The following CHRM2 variants were observed in gnomAD, a reference collection of about 807,000 sequenced individuals.
CHRM2 encodes the protein cholinergic receptor muscarinic 2.
In CHRM2, 8 loss-of-function variants were observed where a neutral mutation model predicts 25.0. The ratio of observed to expected loss-of-function variants is 0.32; its 90% confidence interval spans 0.19 to 0.58. The LOEUF (loss-of-function observed/expected upper bound fraction) is 0.58. CHRM2 is among the 20% of genes least tolerant of loss of function. The pLI, the probability that CHRM2 is intolerant of heterozygous loss-of-function variation, is 0.88. For missense variants in CHRM2, 440 were observed against 567.1 expected (o/e 0.78, Z 2.28); for synonymous variants, 202 against 205.7 (o/e 0.98, Z 0.15).
intron 2 of CHRM2, among the ~76,000 whole-genome samples, chr7:136,880,086 C>T (rs956848715): frequency 6.6e-6 from 1 of 150,728 alleles, no homozygotes; most frequent in Non-Finnish European, 1.5e-5. Flanking sequence ...GCTGCAATTG[C>T]TCTTGCCTCT....
At chr7:136,990,686 C>T (rs1803165151) in intron 2 of CHRM2, among the ~76,000 whole-genome samples, 1 of 152,094 alleles carries the variant, frequency 6.6e-6, no homozygotes, top group Admixed American at 6.6e-5. Flanking sequence ...TGTCTATGTG[C>T]AGGTTTTTGT....
intron 2 of CHRM2, among the ~76,000 whole-genome samples, chr7:136,980,502 G>A (rs1164235458): frequency 2.0e-5 from 3 of 152,184 alleles, no homozygotes; most frequent in Admixed American, 1.3e-4. Context: ...TGGTGAGAGA[G>A]GGCATCCTTG....
chr7:136,968,351 T>C (rs1200900929), intron 2 of CHRM2, among the ~76,000 whole-genome samples: 2 of 151,964 alleles, frequency 1.3e-5, no homozygotes, highest in African/African-American at 4.8e-5. Flanking sequence ...CTTGCTAGAA[T>C]GCCTGTTATA....
intron 2 of CHRM2, among the ~76,000 whole-genome samples, chr7:136,878,195 AT>A (rs2130488207): frequency 6.6e-6 from 1 of 152,066 alleles, no homozygotes; most frequent in Admixed American, 6.6e-5. Flanking sequence ...ATTTGGTTTC[AT>A]TTTAGGGAGA....
intron 2 of CHRM2, among the ~76,000 whole-genome samples, chr7:136,967,288 C>T (rs61709842): frequency 1.5e-4 from 23 of 151,994 alleles, no homozygotes; most frequent in African/African-American, 5.5e-4. Flanking sequence ...CTGCCCTATC[C>T]AATTAGAGTG....
At chr7:136,994,402 G>A (rs1490494063) in intron 3 of CHRM2, among the ~76,000 whole-genome samples, 2 of 151,242 alleles carry the variant, frequency 1.3e-5, no homozygotes, top group Non-Finnish European at 2.9e-5. Context: ...AAATAAACTC[G>A]CATTTTATTT....
At chr7:136,970,538 G>T (rs1190614676) in intron 2 of CHRM2, among the ~76,000 whole-genome samples, 1 of 152,054 alleles carries the variant, frequency 6.6e-6, no homozygotes, top group African/African-American at 2.4e-5. Context: ...CAACCACATT[G>T]TAATTTTTCT....
chr7:137,020,056 G>A lies in CHRM2; in HGVS notation c.*3790G>A, dbSNP rs1372894981. The stretch of plus-strand genomic sequence containing the variant: ...ATTGTGCAAAGTGTATTCTCAGCAT[G>A]TATATTCAATACCATGCCTCTTAAA... On this transcript the variant is annotated 3_prime_UTR_variant, in exon 4 of 4. Transcript: ENST00000680005. The A allele has an allele frequency of 1.3e-5, 2 of 151,806 alleles. No individual in the cohort carries two copies. The highest frequency in any genetic ancestry group is 2.9e-5 in the Non-Finnish European group (2 of 67,878). The allele number at this position is 151,806 out of a possible 1,614,324, so 9.4% of individuals were successfully genotyped here. A position where few individuals can be genotyped will look rare whatever the true frequency, so the allele number is the denominator to read the frequency against.
chr7:136,968,536 A>T (rs1801557715), intron 2 of CHRM2, among the ~76,000 whole-genome samples: 1 of 151,900 alleles, frequency 6.6e-6, no homozygotes, highest in Non-Finnish European at 1.5e-5. Flanking sequence ...GTGTATATCC[A>T]AAGGAACTAA....
chr7:136,962,568 A>G (rs1801167443), intron 2 of CHRM2, among the ~76,000 whole-genome samples: 1 of 152,240 alleles, frequency 6.6e-6, no homozygotes, highest in Non-Finnish European at 1.5e-5. Flanking sequence ...TAAGCTTTCC[A>G]TATTGAAATA....
At chr7:136,954,080 T>C (rs1282569245) in intron 2 of CHRM2, among the ~76,000 whole-genome samples, 1 of 152,176 alleles carries the variant, frequency 6.6e-6, no homozygotes, top group African/African-American at 2.4e-5. Context: ...CTTTGTGTTC[T>C]TCCTTTGAGG....
At chr7:136,885,327 C>T (rs995970920) in intron 2 of CHRM2, among the ~76,000 whole-genome samples, 5 of 152,238 alleles carry the variant, frequency 3.3e-5, no homozygotes, top group Admixed American at 3.3e-4. Context: ...GCAGGTCTCA[C>T]ATACTCCCTT....
At position 137,015,744 on chromosome 7, in the gene CHRM2, C is replaced by G. The variant is rs1805135121; in HGVS notation, c.879C>G (p.Ala293=). ...SNDSTSVSAV[A]SNMRDDEITQ... is the part of the protein sequence containing the mutation. ...ACTCCACCTCAGTCAGTGCTGTTGCCTCTAATATGAGAGATGATGAAATAA... is the reference window on the plus strand; with the variant it reads ...ACTCCACCTCAGTCAGTGCTGTTGCGTCTAATATGAGAGATGATGAAATAA... Residue 293 remains alanine, a synonymous_variant, in exon 4 of 4, where the codon GCC becomes GCG. Coordinates refer to ENST00000680005, the MANE Select transcript of CHRM2 (RefSeq NM_001006630.2). This position sits in a 1 kb window ranked among gnomAD's most constrained non-coding sequence, Gnocchi z 5.1. The G allele has an allele frequency of 1.2e-6, 2 of 1,613,150 alleles. No homozygotes were observed. The highest frequency in any genetic ancestry group is 2.7e-5 in the African/African-American group (2 of 74,910).
chr7:136,938,367 G>C, intron 2 of CHRM2: 1 of 1,586,224 alleles, frequency 6.3e-7, no homozygotes, highest in Admixed American at 1.7e-5. Context: ...GGCTCCACTT[G>C]GTCTCCAGCA....
At position 137,015,860 on chromosome 7, in the gene CHRM2, C is replaced by G; in HGVS notation, c.995C>G (p.Pro332Arg). 1 of 1,612,846 alleles carries G rather than the reference C, an allele frequency of 6.2e-7. No individual in the cohort carries two copies. The highest frequency in any genetic ancestry group is 2.2e-5 in the East Asian group (1 of 44,768). ...TGCATCAGAATTGGCACCAAGACCC[C>G]AAAAAGTGACTCATGTACCCCAACT... ...QTCIRIGTKT[P>R]KSDSCTPTNT... Residue 332 changes from proline to arginine, a missense_variant, in exon 4 of 4, where the codon CCA becomes CGA. Pro to Arg is a moderately radical substitution (Grantham distance 103). Transcript: ENST00000680005. This position sits in a 1 kb window ranked among gnomAD's most constrained non-coding sequence, Gnocchi z 5.1.
At chr7:136,925,443 T>C (rs1798688512) in intron 2 of CHRM2, among the ~76,000 whole-genome samples, 2 of 152,132 alleles carry the variant, frequency 1.3e-5, no homozygotes, top group South Asian at 2.1e-4. Context: ...AACAATTAAG[T>C]GGTAAGTAAA....
intron 2 of CHRM2, among the ~76,000 whole-genome samples, chr7:136,948,883 T>C (rs1800225150): frequency 6.6e-6 from 1 of 152,054 alleles, no homozygotes. Flanking sequence ...TCCTTGGGAA[T>C]GGGAAATAGC....
In CHRM2 at chr7:137,017,768, C is replaced by T. The variant is rs893026287; in HGVS notation, c.*1502C>T. 9 of 151,884 alleles carry T rather than the reference C, an allele frequency of 5.9e-5. No homozygotes were observed. The highest frequency in any genetic ancestry group is 2.2e-4 in the African/African-American group (9 of 41,402). 9.4% of individuals were successfully genotyped at this position (151,884 alleles called of 1,614,324 possible). A position where few individuals can be genotyped will look rare whatever the true frequency, so the allele number is the denominator to read the frequency against. ...AGGAGGTAGGTGGCTGTTGCCATGC[C>T]ACATCTCACCATCTAATTCTAGACC... On this transcript the variant is annotated 3_prime_UTR_variant, in exon 4 of 4. Transcript: ENST00000680005.
chr7:136,972,526 C>T (rs940184931), intron 2 of CHRM2, among the ~76,000 whole-genome samples: 3 of 151,856 alleles, frequency 2.0e-5, no homozygotes, highest in Non-Finnish European at 4.4e-5. Flanking sequence ...TTCCCTCTAG[C>T]GTTTTCTCAG....
Sources: gnomAD v4.1 joint callset for allele counts (sites outside exome capture counted in the v4.1 genomes callset) on GRCh38, gnomAD v4.1.1 for gene constraint, Gnocchi (gnomAD v3.1) non-coding constraint, MANE v1.5 for transcripts, NCBI Gene and HGNC (gene_info 2026-07-23, HGNC 2026-07-21) for gene names.